The following AMBP variants were observed in gnomAD, a reference collection of about 807,000 sequenced individuals.
The protein encoded by AMBP is protein AMBP.
AMBP carries 37 observed loss-of-function variants against 46.3 expected under a neutral mutation model. That is an observed-to-expected ratio of 0.80 (90% CI 0.61 to 1.05). AMBP has a LOEUF of 1.05. AMBP is among the 50% of genes least tolerant of loss of function. The probability of loss-of-function intolerance (pLI) is 0.00; values close to 1 mark genes in which losing one functional copy is unlikely to be tolerated. For synonymous variants in AMBP, 174 were observed against 175.9 expected, an observed-to-expected ratio of 0.99 and a Z score of 0.09; for missense variants, 475 against 461.2, an observed-to-expected ratio of 1.03 and a Z score of -0.27.
Position 114,074,065 on chromosome 9 carries a change from T to C in AMBP, c.425A>G (p.His142Arg), listed in dbSNP as rs369188218. ...GAGCTTGGCAGTAATGGTGGGTCCA[T>C]GATGGCGGCTGAATTTCTTGGTCAG... ...IFLTKKFSRH[H>R]GPTITAKLYG... The change falls in exon 4 of 10, where the codon CAT becomes CGT. Residue 142 changes from histidine (H) to arginine (R), a missense_variant. Physicochemically the swap from His to Arg is conservative, Grantham distance 29. This residue lies in a region of AMBP where 293 missense variants were observed against 276.9 expected (regional missense o/e 1.06). Transcript: ENST00000265132. 3 of 1,614,198 alleles carry C rather than the reference T, an allele frequency of 1.9e-6. No individual in the cohort carries two copies. Among genetic ancestry groups the C allele is most frequent in the African/African-American group, 2.7e-5 (2 of 75,038 alleles).
In AMBP at chr9:114,060,940, C is replaced by G. The variant is rs761457908; in HGVS notation, c.1012G>C (p.Gly338Arg). ...YSEKECREYC[G>R]VPGDGDEELL... ...GGCTGCCTACCATCACCAGGGACAC[C>G]GCAGTACTCTCTGCACTCCTTCTCT... The change falls in exon 9 of 10, where the codon GGT becomes CGT. Residue 338 changes from glycine to arginine, a missense_variant. By Grantham distance (125) the Gly-to-Arg change is moderately radical. This residue lies in a region of AMBP where 293 missense variants were observed against 276.9 expected (regional missense o/e 1.06). Coordinates refer to ENST00000265132, the MANE Select transcript of AMBP (RefSeq NM_001633.4). The G allele has an allele frequency of 1.9e-6, 3 of 1,613,998 alleles. No homozygotes were observed. Among genetic ancestry groups the G allele is most frequent in the Non-Finnish European group, 2.5e-6 (3 of 1,179,926 alleles).
At chr9:114,061,319 C>T (rs1458415545) in intron 8 of AMBP, 105 bp downstream of exon 8, 2 of 1,549,824 alleles carry the variant, frequency 1.3e-6, no homozygotes, top group Non-Finnish European at 8.8e-7. Context: ...GGAGTTCTAC[C>T]ACTGGAATGC....
rs768762324 is a variant in AMBP at position 114,061,432 on chromosome 9, C to T, written c.845G>A (p.Arg282Gln). The change falls in exon 8 of 10, where the codon CGA (arginine) becomes CAA (glutamine). Residue 282 changes from arginine (R) to glutamine (Q), a missense_variant. Coordinates refer to ENST00000265132, the MANE Select transcript of AMBP (RefSeq NM_001633.4). The part of the protein sequence containing the change: ...VTEKECLQTC[R>Q]TVAACNLPIV... The stretch of plus-strand genomic sequence containing the variant: ...TGGGGACCCGCACTCACCCACAGTT[C>T]GGCAGGTCTGCAGACACTCCTTTTC... The T allele has an allele frequency of 6.6e-5, 106 of 1,614,000 alleles. No homozygotes were observed. The highest frequency in any genetic ancestry group is 8.2e-5 in the Non-Finnish European group (97 of 1,180,032).
At chr9:114,062,275 G>A (rs1192540362) in intron 7 of AMBP, among the ~76,000 whole-genome samples, 2 of 152,238 alleles carry the variant, frequency 1.3e-5, no homozygotes, top group Non-Finnish European at 2.9e-5. Context: ...TGGAGAGGAA[G>A]TTGTTATGTC....
At chr9:114,077,782 C>A (rs1846829654) in intron 1 of AMBP, among the ~76,000 whole-genome samples, 1 of 152,200 alleles carries the variant, frequency 6.6e-6, no homozygotes, top group African/African-American at 2.4e-5. Context: ...AGCTAGGTGT[C>A]TGCACGGGGG....
At chr9:114,062,608 G>C (rs780273606) in intron 7 of AMBP, 69 bp downstream of exon 7, 1 of 1,500,618 alleles carries the variant, frequency 6.7e-7, no homozygotes, top group South Asian at 1.1e-5. Context: ...GAGTAGCCAG[G>C]GTGAGCCAAC....
In AMBP at chr9:114,074,141, T is replaced by G. The variant is rs1278306778; in HGVS notation, c.349A>C (p.Thr117Pro). The change falls in exon 4 of 10, where the codon ACC becomes CCC. Residue 117 changes from threonine (T) to proline (P), a missense_variant. By Grantham distance (38) the Thr-to-Pro change is conservative (BLOSUM62 -1). This residue lies in a region of AMBP where 179 missense variants were observed against 167.4 expected (regional missense o/e 1.07). Coordinates refer to ENST00000265132, the MANE Select transcript of AMBP (RefSeq NM_001633.4). ...FLYHKSKWNITMESYVVHTNY... is the reference protein window; with the variant it reads ...FLYHKSKWNIPMESYVVHTNY... Reference sequence around the variant, plus strand: ...GTGTGGACCACATAGGACTCCATGGTTATGTTCCATTCTGCATGGGAGGTG... The same window carrying G: ...GTGTGGACCACATAGGACTCCATGGGTATGTTCCATTCTGCATGGGAGGTG... 1.2e-6 allele frequency: 2 copies of G among 1,613,912 alleles called. No individual in the cohort carries two copies. The highest frequency in any genetic ancestry group is 1.7e-6 in the Non-Finnish European group (2 of 1,179,922).
intron 6 of AMBP, among the ~76,000 whole-genome samples, chr9:114,063,228 T>A (rs1431430171): frequency 6.6e-6 from 1 of 150,922 alleles, no homozygotes; most frequent in Non-Finnish European, 1.5e-5. Flanking sequence ...CTGAAACTGA[T>A]CCTAACTCCT....
At chr9:114,072,839 G>A (rs1213302933) in intron 5 of AMBP, 86 bp downstream of exon 5, 3 of 1,235,830 alleles carry the variant, frequency 2.4e-6, no homozygotes, top group Admixed American at 4.0e-5. Flanking sequence ...GAGGGTTATA[G>A]TAAGGACCCA....
chr9:114,074,184 T>C (rs747506081), intron 3 of AMBP, 32 bp from the exon 4 acceptor site: 3 of 1,566,666 alleles, frequency 1.9e-6, no homozygotes, highest in South Asian at 2.2e-5. Context: ...ACCAAAGGGA[T>C]CAGTGGTCAG....
At chr9:114,061,991 G>A (rs1336453001) in intron 7 of AMBP, among the ~76,000 whole-genome samples, 1 of 152,046 alleles carries the variant, frequency 6.6e-6, no homozygotes, top group Non-Finnish European at 1.5e-5. Flanking sequence ...CTTGCTCCCT[G>A]GAATGCCACC....
In AMBP at chr9:114,060,960, T is replaced by C. The variant is rs1846629199; in HGVS notation, c.992A>G (p.Lys331Arg). The C allele has an allele frequency of 6.2e-7, 1 of 1,614,088 alleles. No individual in the cohort carries two copies. The highest frequency in any genetic ancestry group is 1.1e-5 in the South Asian group (1 of 91,088). ...QGNGNKFYSEKECREYCGVPG... is the reference protein window; with the variant it reads ...QGNGNKFYSERECREYCGVPG... ...GACACCGCAGTACTCTCTGCACTCC[T>C]TCTCTGAGTAGAACTTGTTCCCGTT... The change falls in exon 9 of 10, where the codon AAG (lysine) becomes AGG (arginine). Residue 331 changes from lysine (K) to arginine (R), a missense_variant. By Grantham distance (26) the Lys-to-Arg change is conservative (BLOSUM62 2). Transcript: ENST00000265132.
intron 1 of AMBP, chr9:114,077,654 C>G (rs1846828249): frequency 5.8e-6 from 1 of 171,302 alleles, no homozygotes; most frequent in African/African-American, 2.4e-5. Flanking sequence ...TGTGCCACCC[C>G]AGGTGTCTGT....
At chr9:114,062,868 A>G (rs1846656377) in intron 6 of AMBP, 110 bp from the exon 7 acceptor site, 2 of 1,070,288 alleles carry the variant, frequency 1.9e-6, no homozygotes, top group Non-Finnish European at 2.9e-6. Context: ...CAGGGTAGGT[A>G]GGAACACAGC....
chr9:114,063,881 G>T (rs953884795), intron 6 of AMBP, among the ~76,000 whole-genome samples: 1 of 152,172 alleles, frequency 6.6e-6, no homozygotes, highest in African/African-American at 2.4e-5. Flanking sequence ...AGGATTTCCA[G>T]GAGAGAAAAT....
intron 4 of AMBP, among the ~76,000 whole-genome samples, chr9:114,073,331 C>A (rs1846765698): frequency 6.6e-6 from 1 of 151,596 alleles, no homozygotes; most frequent in Non-Finnish European, 1.5e-5. Context: ...ACTGCAAGCT[C>A]TGCCTCCCGG....
chr9:114,061,695 A>C, intron 7 of AMBP, 104 bp from the exon 8 acceptor site: 1 of 1,336,438 alleles, frequency 7.5e-7, no homozygotes, highest in African/African-American at 1.5e-5. Context: ...CACTAAAAGG[A>C]TTATCAATTC....
chr9:114,070,105 A>G (rs1044138974), intron 5 of AMBP, among the ~76,000 whole-genome samples: 9 of 152,240 alleles, frequency 5.9e-5, no homozygotes, highest in African/African-American at 2.2e-4. Context: ...AGGTGTTATT[A>G]TGCCCAATTT....
intron 5 of AMBP, among the ~76,000 whole-genome samples, chr9:114,070,799 G>C (rs1346818959): frequency 6.6e-6 from 1 of 152,120 alleles, no homozygotes; most frequent in Non-Finnish European, 1.5e-5. Flanking sequence ...TGTGTGTGAA[G>C]CCACCAGGGG....
Sources: allele counts gnomAD v4.1 joint callset (sites outside exome capture counted in the v4.1 genomes callset), GRCh38; gene constraint gnomAD v4.1.1; regional missense constraint gnomAD v4.1.1; transcripts MANE v1.5; gene names NCBI Gene and HGNC (gene_info 2026-07-23, HGNC 2026-07-21).